The following PURG variants were observed in gnomAD, a reference collection of about 807,000 sequenced individuals.
PURG encodes purine-rich element-binding protein gamma.
PURG carries 3 observed loss-of-function variants against 24.3 expected under a neutral mutation model. That is an observed-to-expected ratio of 0.12 (90% CI 0.06 to 0.32). PURG has a LOEUF of 0.32. Among genes scored for constraint, PURG ranks in the 10% least tolerant of loss-of-function variants. The probability of loss-of-function intolerance (pLI) is 1.00; values close to 1 mark genes in which losing one functional copy is unlikely to be tolerated. For synonymous variants in PURG, 180 were observed against 173.1 expected (o/e 1.04, Z -0.31); for missense variants, 371 against 439.1 (o/e 0.84, Z 1.39).
rs1000503255 is a variant in PURG at position 31,032,714 on chromosome 8, A to G, written c.69T>C (p.Ser23=). Residue 23 remains serine, a synonymous_variant, in exon 2 of 2, where the codon TCT becomes TCC. Transcript: ENST00000523392. The surrounding 1 kb of genome is among the most constrained non-coding windows in gnomAD (Gnocchi z 5.9). ...RGRGGKNVGG[S]GLSKSRLYPQ... is the part of the protein sequence containing the mutation. ...GATAGAGTCTACTCTTGCTTAGGCC[A>G]GAGCCCCCTACATTCTTGCCTCCGC... 13 of 1,493,092 alleles carry G rather than the reference A, an allele frequency of 8.7e-6. No homozygotes were observed. Among genetic ancestry groups the G allele is most frequent in the Admixed American group, 2.5e-5 (1 of 40,716 alleles). The allele number at this position is 1,493,092 out of a possible 1,614,324, so 92.5% of individuals were successfully genotyped here.
downstream of PURG, among the ~76,000 whole-genome samples, chr8:31,029,000 T>C (rs900868384): frequency 2.0e-5 from 3 of 151,866 alleles, no homozygotes; most frequent in Non-Finnish European, 4.4e-5. Context: ...TTTTGAAGGA[T>C]ACCATGAACA....
At position 31,032,498 on chromosome 8, in the gene PURG, G is replaced by A. The variant is rs1811248218; in HGVS notation, c.285C>T (p.Gly95=). ...LKIAEVWIGR[G]RQDNIRKSKL... Reference sequence around the variant, plus strand: ...TACTCTTTCTGATGTTGTCCTGCCGGCCTCTCCCTATCCAGACTTCGGCTA... The same window carrying A: ...TACTCTTTCTGATGTTGTCCTGCCGACCTCTCCCTATCCAGACTTCGGCTA... Residue 95 remains glycine, a synonymous_variant, in exon 2 of 2, where the codon GGC becomes GGT. Coordinates refer to ENST00000523392, the MANE Select transcript of PURG (RefSeq NM_001323311.2). This position sits in a 1 kb window ranked among gnomAD's most constrained non-coding sequence, Gnocchi z 5.9. 6.2e-7 allele frequency: 1 copy of A among 1,614,082 alleles called. No individual in the cohort carries two copies.
chr8:31,033,116 C>T lies in PURG; in HGVS notation c.-45G>A. On this transcript the variant is annotated 5_prime_UTR_variant, in exon 1 of 2. It adds an upstream start codon to the 5' untranslated region. Coordinates refer to ENST00000523392, the MANE Select transcript of PURG (RefSeq NM_001323311.2). ...TCACCGCCGCCGCCGATGCCCTTCA[C>T]GACCACCGCCGCCGCCACCGCCAGC... 9.0e-6 allele frequency: 2 copies of T among 223,266 alleles called. No homozygotes were observed. The highest frequency in any genetic ancestry group is 1.7e-5 in the Non-Finnish European group (2 of 114,988). 13.8% of individuals were successfully genotyped at this position (223,266 alleles called of 1,614,324 possible).
intron 1 of PURG, among the ~76,000 whole-genome samples, chr8:31,010,512 A>G (rs189501806): frequency 6.6e-6 from 1 of 152,348 alleles, no homozygotes; most frequent in Non-Finnish European, 1.5e-5. Flanking sequence ...CCTAGAATGC[A>G]TTTCAAAAAA....
intron 1 of PURG, among the ~76,000 whole-genome samples, chr8:31,008,281 T>C (rs947718965): frequency 2.0e-5 from 3 of 152,206 alleles, no homozygotes; most frequent in African/African-American, 7.2e-5. Context: ...GTTAACAGCC[T>C]TATGTACCTG....
At chr8:31,004,222 T>G (rs1034328890) in intron 1 of PURG, among the ~76,000 whole-genome samples, 3 of 152,212 alleles carry the variant, frequency 2.0e-5, no homozygotes, top group Non-Finnish European at 4.4e-5. Context: ...TACTCTTGTT[T>G]CATTTATATA....
chr8:31,018,000 C>CTA (rs1452677252), intron 1 of PURG, among the ~76,000 whole-genome samples: 1 of 152,094 alleles, frequency 6.6e-6, no homozygotes, highest in Non-Finnish European at 1.5e-5. Context: ...ACTATAAATA[C>CTA]TAAATTTATT....
Position 31,031,979 on chromosome 8 carries a change from T to A in PURG, c.804A>T (p.Arg268Ser). ...PLELPEGTSF[R>S]VDNKRFYFDV... Reference sequence around the variant, plus strand: ...CAAAGTAGAACCTTTTATTGTCCACTCTGAAAGAAGTCCCCTCTGGGAGTT... The same window carrying A: ...CAAAGTAGAACCTTTTATTGTCCACACTGAAAGAAGTCCCCTCTGGGAGTT... Residue 268 changes from arginine to serine, a missense_variant, in exon 2 of 2, where the codon AGA becomes AGT. This residue lies in a region of PURG where 103 missense variants were observed against 127.7 expected (regional missense o/e 0.81). Transcript: ENST00000523392. The A allele has an allele frequency of 4.3e-6, 7 of 1,614,190 alleles. No homozygotes were observed. The highest frequency in any genetic ancestry group is 5.9e-6 in the Non-Finnish European group (7 of 1,180,038).
intron 1 of PURG, among the ~76,000 whole-genome samples, chr8:31,012,959 T>G (rs931027717): frequency 1.3e-5 from 2 of 152,244 alleles, no homozygotes; most frequent in Non-Finnish European, 2.9e-5. Context: ...TATAGTTATT[T>G]TGTGACAAAT....
chr8:31,025,750 C>G (rs572767292), intron 1 of PURG, among the ~76,000 whole-genome samples: 15 of 151,704 alleles, frequency 9.9e-5, no homozygotes, highest in Non-Finnish European at 1.8e-4. Flanking sequence ...CGGGTGCTCA[C>G]AAAACTATTA....
chr8:31,031,695 C>A lies in PURG; in HGVS notation c.*44G>T, dbSNP rs1014171108. On this transcript the variant is annotated 3_prime_UTR_variant, in exon 2 of 2. Coordinates refer to ENST00000523392, the MANE Select transcript of PURG (RefSeq NM_001323311.2). ...AGGATAATGGATCAGTACTTTTAGC[C>A]AATTTGTGATTTTAAATTTTGCCTG... 1 of 1,494,420 alleles carries A rather than the reference C, an allele frequency of 6.7e-7. No homozygotes were observed. Among genetic ancestry groups the A allele is most frequent in the Admixed American group, 2.4e-5 (1 of 42,448 alleles). The allele number at this position is 1,494,420 out of a possible 1,614,324, so 92.6% of individuals were successfully genotyped here. A position where few individuals can be genotyped will look rare whatever the true frequency, so the allele number is the denominator to read the frequency against.
intron 1 of PURG, among the ~76,000 whole-genome samples, chr8:31,012,512 G>A (rs1243405408): frequency 1.3e-5 from 2 of 152,184 alleles, no homozygotes; most frequent in Non-Finnish European, 2.9e-5. Flanking sequence ...AGAAGGAAAG[G>A]ATGGTCAATA....
At chr8:31,015,542 C>T (rs566447508) in intron 1 of PURG, among the ~76,000 whole-genome samples, 4 of 152,168 alleles carry the variant, frequency 2.6e-5, no homozygotes, top group South Asian at 4.1e-4. Context: ...AAAGACCAGT[C>T]GCTTGGCTCT....
chr8:31,000,400 T>C (rs567625103), intron 1 of PURG, among the ~76,000 whole-genome samples: 1 of 152,298 alleles, frequency 6.6e-6, no homozygotes, highest in East Asian at 1.9e-4. Flanking sequence ...TGCAAATAAA[T>C]GGAATGCACA....
Position 31,031,785 on chromosome 8 carries a change from A to T in PURG, c.998T>A (p.Met333Lys). 6.4e-7 allele frequency: 1 copy of T among 1,552,906 alleles called. No homozygotes were observed. The highest frequency in any genetic ancestry group is 8.7e-7 in the Non-Finnish European group (1 of 1,147,518). ...TTCACCACTGGCCTTTCTGCCATCC[A>T]TTCTCTTTTCTTTATGGCTGTTGCA... ...KICNSHKEKRMDGRKASGEEQ... is the reference protein window; with the variant it reads ...KICNSHKEKRKDGRKASGEEQ... The change falls in exon 2 of 2, where the codon ATG (methionine) becomes AAG (lysine). Residue 333 changes from methionine to lysine, a missense_variant. This residue lies in a region of PURG where 103 missense variants were observed against 127.7 expected (regional missense o/e 0.81). Transcript: ENST00000523392.
intron 1 of PURG, among the ~76,000 whole-genome samples, chr8:31,003,760 T>TA (rs1810588136): frequency 6.8e-6 from 1 of 147,630 alleles, no homozygotes; most frequent in Non-Finnish European, 1.5e-5. Context: ...AGACTCCATC[T>TA]CAAAAAAAAA....
downstream of PURG, among the ~76,000 whole-genome samples, chr8:31,028,361 T>C (rs1811127840): frequency 6.6e-6 from 1 of 151,948 alleles, no homozygotes; most frequent in South Asian, 2.1e-4. Context: ...GATCACCTTA[T>C]AGATTCTAGC....
chr8:31,023,829 G>C (rs1043433842), intron 1 of PURG, among the ~76,000 whole-genome samples: 1 of 152,190 alleles, frequency 6.6e-6, no homozygotes, highest in African/African-American at 2.4e-5. Flanking sequence ...AAAAGGAATC[G>C]AAGACAGTAG....
intron 1 of PURG, among the ~76,000 whole-genome samples, chr8:31,025,541 A>G (rs894398269): frequency 2.6e-5 from 4 of 151,890 alleles, no homozygotes; most frequent in Admixed American, 2.0e-4. Context: ...CTTCTTCCTC[A>G]ACCCACATTT....
Sources: allele counts gnomAD v4.1 joint callset (sites outside exome capture counted in the v4.1 genomes callset), GRCh38; gene constraint gnomAD v4.1.1; regional missense constraint gnomAD v4.1.1; non-coding constraint Gnocchi (gnomAD v3.1); transcripts MANE v1.5; gene names NCBI Gene and HGNC (gene_info 2026-07-23, HGNC 2026-07-21).